CKAP5: variants seen among roughly 807,000 people sequenced by gnomAD.
The protein encoded by CKAP5 is cytoskeleton-associated protein 5.
In CKAP5, 27 loss-of-function variants were observed where a neutral mutation model predicts 232.8. The observed-to-expected ratio is 0.12, with a 90% CI of 0.09 to 0.16. The LOEUF (loss-of-function observed/expected upper bound fraction) is 0.16. CKAP5 is among the 10% of genes least tolerant of loss of function. CKAP5 has a pLI of 1.00. For missense variants in CKAP5, 1,838 were observed against 2,424.7 expected, an observed-to-expected ratio of 0.76 and a Z score of 5.08; for synonymous variants, 785 against 841.1, an observed-to-expected ratio of 0.93 and a Z score of 1.16.
chr11:46,760,960 GGA>G (rs1292141735), intron 32 of CKAP5, among the ~76,000 whole-genome samples, 176 bp from the exon 33 acceptor site: 2 of 152,178 alleles, frequency 1.3e-5, no homozygotes, highest in Non-Finnish European at 2.9e-5. Context: ...TATGAAAGAA[GGA>G]GAGGGGCTGG....
chr11:46,798,889 A>G (rs1295027676), intron 9 of CKAP5, among the ~76,000 whole-genome samples: 1 of 152,256 alleles, frequency 6.6e-6, no homozygotes, highest in Non-Finnish European at 1.5e-5. Context: ...TGTCTCCACC[A>G]AAACAAACCA....
intron 1 of CKAP5, among the ~76,000 whole-genome samples, chr11:46,824,433 G>C (rs1311362775): frequency 6.6e-6 from 1 of 152,086 alleles, no homozygotes; most frequent in Non-Finnish European, 1.5e-5. Flanking sequence ...TAGGTGTATA[G>C]CCTAGAAACT....
At chr11:46,795,542 C>T (rs1365042269) in intron 13 of CKAP5, 52 bp downstream of exon 13, 2 of 1,464,050 alleles carry the variant, frequency 1.4e-6, no homozygotes, top group African/African-American at 1.4e-5. Flanking sequence ...AACCACGAAC[C>T]TGAGACTCAG....
At chr11:46,771,531 AT>A (rs1310896049) in intron 24 of CKAP5, among the ~76,000 whole-genome samples, 1 of 152,014 alleles carries the variant, frequency 6.6e-6, no homozygotes, top group Non-Finnish European at 1.5e-5. Context: ...TTCCTTGGAG[AT>A]TTATCTGAAT....
At chr11:46,800,087 A>G (rs1938992105) in intron 9 of CKAP5, among the ~76,000 whole-genome samples, 1 of 152,198 alleles carries the variant, frequency 6.6e-6, no homozygotes, top group Admixed American at 6.5e-5. Context: ...ATTATTCCCA[A>G]TATAAAAGTG....
chr11:46,751,133 CT>C lies in CKAP5; in HGVS notation c.5444del (p.Lys1815ArgfsTer6), dbSNP rs779293427. On this transcript the variant is annotated frameshift_variant, in exon 40 of 44. Coordinates refer to ENST00000529230, the MANE Select transcript of CKAP5 (RefSeq NM_001008938.4). LOFTEE classifies it high-confidence loss of function. ...GGCCACTCACTATTCGAGATGCTCC[CT>C]TTTCTGTTTCCTTATCAGACTTGCT... ...TGSKSDKETE[K>X]GASRIDEKSS... The C allele has an allele frequency of 6.2e-7, 1 of 1,614,142 alleles. No homozygotes were observed.
intron 4 of CKAP5, among the ~76,000 whole-genome samples, chr11:46,814,131 C>CA (rs60142188): frequency 0.012 from 952 of 81,146 alleles, 16 homozygotes; most frequent in Non-Finnish European, 0.013. Flanking sequence ...GACCTTGTCT[C>CA]AAAAAAAAAA....
In CKAP5 at chr11:46,750,400, A is replaced by G; in HGVS notation, c.5578T>C (p.Tyr1860His). 2 of 1,614,104 alleles carry G rather than the reference A, an allele frequency of 1.2e-6. No homozygotes were observed. Among genetic ancestry groups the G allele is most frequent in the Non-Finnish European group, 1.7e-6 (2 of 1,179,984 alleles). ...AATGGTTCAATGTCAGCATCTGAGT[A>G]TTTCTTCTTATATTCATATAACTCT... ...LAELYEYKKK[Y>H]SDADIEPFLK... Residue 1860 changes from tyrosine to histidine, a missense_variant, in exon 42 of 44, where the codon TAC becomes CAC. Tyr to His is a moderately conservative substitution (Grantham distance 83). Around this residue, in one of 6 missense-constraint regions of CKAP5, gnomAD observed 579 missense variants for 843.2 expected, o/e 0.69. Coordinates refer to ENST00000529230, the MANE Select transcript of CKAP5 (RefSeq NM_001008938.4).
chr11:46,765,194 C>G lies in CKAP5; in HGVS notation c.3474G>C (p.Gly1158=), dbSNP rs764782252. ...CATTTGGAACAACAATAAAAATAGG[C>G]CCGGATTTGTCTTCATCCTCCTTTA... ...TSLKEDEDKS[G]PIFIVVPNGK... Residue 1158 remains glycine (G), a synonymous_variant, in exon 28 of 44, where the codon GGG becomes GGC. Coordinates refer to ENST00000529230, the MANE Select transcript of CKAP5 (RefSeq NM_001008938.4). 98 of 1,612,858 alleles carry G rather than the reference C, an allele frequency of 6.1e-5. No homozygotes were observed. The highest frequency in any genetic ancestry group is 7.9e-5 in the Non-Finnish European group (93 of 1,179,442).
At chr11:46,820,522 T>C (rs909112148) in intron 2 of CKAP5, 21 of 152,132 alleles carry the variant, frequency 1.4e-4, no homozygotes, top group Admixed American at 1.2e-3. Context: ...GAACATAAAG[T>C]GGTAAACCTG....
At chr11:46,795,906 A>C in intron 12 of CKAP5, 130 bp from the exon 13 acceptor site, 5 of 755,314 alleles carry the variant, frequency 6.6e-6, no homozygotes, top group Non-Finnish European at 1.1e-5. Flanking sequence ...GCTCACACCT[A>C]TAATCCTAGC....
chr11:46,792,769 A>G lies in CKAP5; in HGVS notation c.1651-2186T>C, dbSNP rs185709400. On this transcript the variant is annotated intron_variant, in intron 13 of 43. Coordinates refer to ENST00000529230, the MANE Select transcript of CKAP5 (RefSeq NM_001008938.4). Reference sequence around the variant, plus strand: ...GAAGGTCAGCCAGCATGAACATGGAAGGGTTTAAAGAGGTAAGAGGCAAGT... The same window carrying G: ...GAAGGTCAGCCAGCATGAACATGGAGGGGTTTAAAGAGGTAAGAGGCAAGT... Among the ~76,000 whole-genome samples, 386 of 152,306 alleles carry G rather than the reference A, an allele frequency of 2.5e-3. 2 individuals carry two copies. Among genetic ancestry groups the G allele is most frequent in the Non-Finnish European group, 4.2e-3 (288 of 68,006 alleles).
At chr11:46,832,969 AT>A (rs1024516761) in intron 1 of CKAP5, among the ~76,000 whole-genome samples, 1 of 150,958 alleles carries the variant, frequency 6.6e-6, no homozygotes, top group Admixed American at 6.6e-5. Context: ...AAAAAAAAAA[AT>A]TTTTTTTCCC....
intron 1 of CKAP5, among the ~76,000 whole-genome samples, chr11:46,827,400 A>T (rs1311057963): frequency 2.6e-5 from 4 of 152,192 alleles, no homozygotes; most frequent in African/African-American, 7.2e-5. Flanking sequence ...CAAGATGGGC[A>T]GGAAGGTAAT....
chr11:46,799,238 G>A (rs12577969), intron 9 of CKAP5, among the ~76,000 whole-genome samples: 13,689 of 151,640 alleles, frequency 0.09, 629 homozygotes, highest in Non-Finnish European at 0.1. Flanking sequence ...TTGTCGAGAC[G>A]GGGGTTTCTC....
intron 3 of CKAP5, among the ~76,000 whole-genome samples, chr11:46,817,127 A>G (rs1191364995): frequency 2.7e-5 from 4 of 150,300 alleles, no homozygotes; most frequent in African/African-American, 7.3e-5. Context: ...AAAAAAAAAA[A>G]GAGAGAGAGA....
intron 8 of CKAP5, 52 bp from the exon 9 acceptor site, chr11:46,801,356 G>T: frequency 2.2e-6 from 3 of 1,370,430 alleles, no homozygotes; most frequent in East Asian, 2.3e-5. Flanking sequence ...ATGTAGAAGG[G>T]TATTGAAATT....
chr11:46,798,361 G>A (rs990859374), intron 9 of CKAP5, among the ~76,000 whole-genome samples, 189 bp from the exon 10 acceptor site: 2 of 152,014 alleles, frequency 1.3e-5, no homozygotes, highest in African/African-American at 4.8e-5. Flanking sequence ...GGTTGCTTGA[G>A]GCAAGGAGTT....
chr11:46,782,716 A>G, intron 18 of CKAP5, among the ~76,000 whole-genome samples: 1 of 152,224 alleles, frequency 6.6e-6, no homozygotes, highest in East Asian at 1.9e-4. Context: ...GTCCTCATCT[A>G]TAAGATAGGG....
Sources: allele counts gnomAD v4.1 joint callset (sites outside exome capture counted in the v4.1 genomes callset), GRCh38; gene constraint gnomAD v4.1.1; regional missense constraint gnomAD v4.1.1; transcripts MANE v1.5; gene names NCBI Gene and HGNC (gene_info 2026-07-23, HGNC 2026-07-21).